Variants in MIS18BP1 observed in about 807,000 individuals in gnomAD.
MIS18BP1 encodes mis18-binding protein 1.
MIS18BP1 carries 72 observed loss-of-function variants against 116.1 expected under a neutral mutation model. The observed-to-expected ratio is 0.62, with a 90% CI of 0.51 to 0.75. The LOEUF is 0.75. Ranked by LOEUF, MIS18BP1 falls within the 30% of genes least tolerant of loss-of-function variation. The pLI is 0.00. For missense variants in MIS18BP1, 1,363 were observed against 1,303.2 expected (o/e 1.05, Z -0.71); for synonymous variants, 386 against 427.0 (o/e 0.90, Z 1.18).
chr14:45,229,799 C>G (rs149478534), intron 8 of MIS18BP1, among the ~76,000 whole-genome samples: 1 of 151,998 alleles, frequency 6.6e-6, no homozygotes, highest in South Asian at 2.1e-4. Context: ...GAGCAGGTGC[C>G]GAAGCCCCAA....
Position 45,237,690 on chromosome 14 carries a change from C to G in MIS18BP1, c.1175G>C (p.Ser392Thr). The change falls in exon 5 of 17, where the codon AGC (serine) becomes ACC (threonine). Residue 392 changes from serine to threonine, a missense_variant. Coordinates refer to ENST00000310806, the MANE Select transcript of MIS18BP1 (RefSeq NM_018353.5). ...ACATATAGCAGTATTATTATTGATG[C>G]TTTTAATCATCCATTCCTGTAGCTG... The part of the protein sequence containing the change: ...VVQLQEWMIK[S>T]INNNTAICVE... 6.2e-7 allele frequency: 1 copy of G among 1,602,278 alleles called. No individual in the cohort carries two copies. The highest frequency in any genetic ancestry group is 8.5e-7 in the Non-Finnish European group (1 of 1,175,810).
chr14:45,233,169 T>A (rs1223567070), intron 6 of MIS18BP1, among the ~76,000 whole-genome samples: 4 of 152,154 alleles, frequency 2.6e-5, no homozygotes, highest in African/African-American at 9.7e-5. Context: ...TGAAATAGCA[T>A]CATTTGAACA....
Position 45,242,825 on chromosome 14 carries a change from G to A in MIS18BP1, c.594C>T (p.Leu198=). Residue 198 remains leucine, a synonymous_variant, in exon 3 of 17, where the codon CTC becomes CTT. Transcript: ENST00000310806. ...GGCACTGAATCTTTTGTTTGACCGGGAGGAAAATATCATTATTTGATGATT... is the reference window on the plus strand; with the variant it reads ...GGCACTGAATCTTTTGTTTGACCGGAAGGAAAATATCATTATTTGATGATT... ...PLESSNNDIF[L]PVKQKIQCQQ... is the part of the protein sequence containing the mutation. The A allele has an allele frequency of 1.9e-6, 3 of 1,613,432 alleles. No individual in the cohort carries two copies. The highest frequency in any genetic ancestry group is 2.5e-6 in the Non-Finnish European group (3 of 1,179,664).
chr14:45,212,882 C>T (rs149340866), intron 13 of MIS18BP1, among the ~76,000 whole-genome samples: 1 of 152,276 alleles, frequency 6.6e-6, no homozygotes, highest in African/African-American at 2.4e-5. Context: ...TATAAAACCC[C>T]AAGTCACAAA....
chr14:45,209,285 ATCTT>A (rs1890611464), intron 14 of MIS18BP1, among the ~76,000 whole-genome samples: 2 of 152,042 alleles, frequency 1.3e-5, no homozygotes, highest in Admixed American at 6.6e-5. Flanking sequence ...CATTTAATAT[ATCTT>A]AGGCATTTTA....
Position 45,204,000 on chromosome 14 carries a change from C to T in MIS18BP1, c.*109G>A, listed in dbSNP as rs1890438162. ...CATATGAAACCTTCAAAAAAGTCCACATTTTCATAGGAAGCTACTTTACAA... is the reference window on the plus strand; with the variant it reads ...CATATGAAACCTTCAAAAAAGTCCATATTTTCATAGGAAGCTACTTTACAA... On this transcript the variant is annotated 3_prime_UTR_variant, in exon 17 of 17. Coordinates refer to ENST00000310806, the MANE Select transcript of MIS18BP1 (RefSeq NM_018353.5). The T allele has an allele frequency of 1.4e-6, 2 of 1,448,916 alleles. No homozygotes were observed. Among genetic ancestry groups the T allele is most frequent in the South Asian group, 1.4e-5 (1 of 70,154 alleles). 89.8% of individuals were successfully genotyped at this position (1,448,916 alleles called of 1,614,324 possible). A position where few individuals can be genotyped will look rare whatever the true frequency, so the allele number is the denominator to read the frequency against.
At chr14:45,232,633 A>G (rs1347183169) in intron 7 of MIS18BP1, 100 bp downstream of exon 7, 7 of 714,626 alleles carry the variant, frequency 9.8e-6, no homozygotes, top group Non-Finnish European at 1.7e-5. Context: ...CATCTCTATT[A>G]AAAATACAAA....
At chr14:45,230,329 T>C (rs1404966825) in intron 8 of MIS18BP1, among the ~76,000 whole-genome samples, 1 of 152,140 alleles carries the variant, frequency 6.6e-6, no homozygotes, top group African/African-American at 2.4e-5. Context: ...CAAGTTGGTC[T>C]CCTTATTAAA....
Position 45,235,805 on chromosome 14 carries a change from G to A in MIS18BP1, c.1348+9C>T. Reference sequence around the variant, plus strand: ...TTAAAATAACTTATCAATAATGACAGTCATTTACCTGCTTCTTTCATGGAA... The same window carrying A: ...TTAAAATAACTTATCAATAATGACAATCATTTACCTGCTTCTTTCATGGAA... On this transcript the variant is annotated intron_variant, in intron 6 of 16. Coordinates refer to ENST00000310806, the MANE Select transcript of MIS18BP1 (RefSeq NM_018353.5). 6.3e-7 allele frequency: 1 copy of A among 1,590,988 alleles called. No homozygotes were observed. The highest frequency in any genetic ancestry group is 8.5e-7 in the Non-Finnish European group (1 of 1,170,748).
intron 2 of MIS18BP1, among the ~76,000 whole-genome samples, chr14:45,244,940 G>C (rs778441832): frequency 6.6e-6 from 1 of 152,122 alleles, no homozygotes; most frequent in South Asian, 2.1e-4. Context: ...CATCATACTA[G>C]CAACTTCAAT....
At chr14:45,249,836 T>C (rs1397029921) in intron 1 of MIS18BP1, among the ~76,000 whole-genome samples, 1 of 152,114 alleles carries the variant, frequency 6.6e-6, no homozygotes, top group African/African-American at 2.4e-5. Context: ...GCACCACCAC[T>C]GCACTCCAGC....
intron 14 of MIS18BP1, among the ~76,000 whole-genome samples, chr14:45,207,912 C>T (rs867512132): frequency 2.6e-5 from 4 of 152,110 alleles, no homozygotes; most frequent in Admixed American, 6.5e-5. Flanking sequence ...TATCGTGTTT[C>T]TTTAATTGTA....
At chr14:45,238,600 C>T (rs973745354) in intron 4 of MIS18BP1, among the ~76,000 whole-genome samples, 1 of 151,974 alleles carries the variant, frequency 6.6e-6, no homozygotes, top group African/African-American at 2.4e-5. Context: ...GAGGCCAAGT[C>T]GGGAGAACTG....
chr14:45,218,451 A>G lies in MIS18BP1; in HGVS notation c.2673T>C (p.Ala891=), dbSNP rs1890884091. ...GTTTGTGCTTTGGAAGAGATGCAAAAGCACTATGGAAGATCAAAACCAATT... is the reference window on the plus strand; with the variant it reads ...GTTTGTGCTTTGGAAGAGATGCAAAGGCACTATGGAAGATCAAAACCAATT... ...NEKELQKLHC[A]FASLPKHKPG... Residue 891 remains alanine, a synonymous_variant, in exon 12 of 17, where the codon GCT becomes GCC. Coordinates refer to ENST00000310806, the MANE Select transcript of MIS18BP1 (RefSeq NM_018353.5). 6.3e-7 allele frequency: 1 copy of G among 1,591,546 alleles called. No homozygotes were observed. Among genetic ancestry groups the G allele is most frequent in the Non-Finnish European group, 8.5e-7 (1 of 1,174,524 alleles).
At chr14:45,219,494 A>ATATG (rs1491385940) in intron 11 of MIS18BP1, among the ~76,000 whole-genome samples, 1 of 139,770 alleles carries the variant, frequency 7.2e-6, no homozygotes, top group African/African-American at 3.3e-5. Flanking sequence ...TCTCAAGAGC[A>ATATG]TATATATATA....
In MIS18BP1 at chr14:45,235,902, C is replaced by T. The variant is rs1891416327; in HGVS notation, c.1260G>A (p.Glu420=). Residue 420 remains glutamate (E), a synonymous_variant, in exon 6 of 17, where the codon GAG becomes GAA. Transcript: ENST00000310806. ...NIYWHSNVII[E]RIEHNKLRTI... ...TCCTAAGTTTGTTGTGCTCAATCCGCTCTATAATTACATTACTGTGCCAAT... is the reference window on the plus strand; with the variant it reads ...TCCTAAGTTTGTTGTGCTCAATCCGTTCTATAATTACATTACTGTGCCAAT... 1.2e-6 allele frequency: 2 copies of T among 1,611,432 alleles called. No individual in the cohort carries two copies. The highest frequency in any genetic ancestry group is 1.7e-6 in the Non-Finnish European group (2 of 1,178,688).
chr14:45,234,252 A>G (rs999426126), intron 6 of MIS18BP1, among the ~76,000 whole-genome samples: 2 of 152,164 alleles, frequency 1.3e-5, no homozygotes. Context: ...TTCAAGAGAA[A>G]TTAGATTTAC....
intron 15 of MIS18BP1, among the ~76,000 whole-genome samples, chr14:45,205,250 T>C (rs1327160805): frequency 3.3e-5 from 5 of 152,228 alleles, no homozygotes; most frequent in African/African-American, 9.6e-5. Context: ...CTCAAAATCA[T>C]TTGGTAACAT....
intron 11 of MIS18BP1, among the ~76,000 whole-genome samples, chr14:45,219,504 A>ATG (rs1890915500): frequency 6.6e-6 from 1 of 152,070 alleles, no homozygotes; most frequent in African/African-American, 2.4e-5. Context: ...ATATATATAT[A>ATG]ATAAAATGGA....
Sources: allele counts gnomAD v4.1 joint callset (sites outside exome capture counted in the v4.1 genomes callset), GRCh38; gene constraint gnomAD v4.1.1; transcripts MANE v1.5; gene names NCBI Gene and HGNC (gene_info 2026-07-23, HGNC 2026-07-21).